The following PARD3B variants were observed in gnomAD, a reference collection of about 807,000 sequenced individuals.
PARD3B encodes the protein par-3 family cell polarity regulator beta.
Under a neutral mutation model 130.2 loss-of-function variants are expected in PARD3B, and 103 were observed. The ratio of observed to expected loss-of-function variants is 0.79; its 90% confidence interval spans 0.67 to 0.93. PARD3B has a LOEUF of 0.93. Ranked by LOEUF, PARD3B falls within the 40% of genes least tolerant of loss-of-function variation. The probability of loss-of-function intolerance (pLI) is 0.00; values close to 1 mark genes in which losing one functional copy is unlikely to be tolerated. For missense variants in PARD3B, 1,609 were observed against 1,499.2 expected (o/e 1.07, Z -1.21); for synonymous variants, 583 against 553.2 (o/e 1.05, Z -0.76).
intron 18 of PARD3B, among the ~76,000 whole-genome samples, chr2:205,330,078 C>A (rs990099531): frequency 6.7e-6 from 1 of 149,754 alleles, no homozygotes; most frequent in Admixed American, 6.7e-5. Flanking sequence ...CGGTGGCTCA[C>A]GACTGTAATC....
chr2:204,778,287 G>A (rs1182613734), intron 2 of PARD3B, among the ~76,000 whole-genome samples: 2 of 151,988 alleles, frequency 1.3e-5, no homozygotes, highest in Non-Finnish European at 2.9e-5. Context: ...TGATAATTGA[G>A]AGCCATTTAA....
At chr2:205,561,945 G>A (rs149556080) in intron 22 of PARD3B, among the ~76,000 whole-genome samples, 1 of 152,232 alleles carries the variant, frequency 6.6e-6, no homozygotes, top group African/African-American at 2.4e-5. Flanking sequence ...CTTCCCAGTA[G>A]GATCAGCTGT....
At chr2:205,107,465 CTT>C (rs1703310155) in intron 5 of PARD3B, among the ~76,000 whole-genome samples, 2 of 152,204 alleles carry the variant, frequency 1.3e-5, no homozygotes, top group African/African-American at 4.8e-5. Flanking sequence ...AGACAACCGA[CTT>C]AGCACAATGC....
Position 204,546,120 on chromosome 2 carries a change from GTGAGCGCGGCGCGGA to G in PARD3B, c.120+2_120+16del. 1 of 1,554,164 alleles carries G rather than the reference GTGAGCGCGGCGCGGA, an allele frequency of 6.4e-7. No individual in the cohort carries two copies. The highest frequency in any genetic ancestry group is 8.7e-7 in the Non-Finnish European group (1 of 1,149,042). Reference sequence around the variant, plus strand: ...GCGGTACCTGAAGACCCGGGAGAAGGTGAGCGCGGCGCGGAGGAGTGGGGCGCGGCTGCAGCCAAG... The same window carrying G: ...GCGGTACCTGAAGACCCGGGAGAAGGGGAGTGGGGCGCGGCTGCAGCCAAG... On this transcript the variant is annotated splice_donor_variant and splice_donor_5th_base_variant and intron_variant, in intron 1 of 22. Coordinates refer to ENST00000406610, the MANE Select transcript of PARD3B (RefSeq NM_001302769.2). LOFTEE classifies it high-confidence loss of function.
intron 22 of PARD3B, among the ~76,000 whole-genome samples, chr2:205,614,879 T>C (rs1380297730): frequency 6.6e-6 from 1 of 151,928 alleles, no homozygotes; most frequent in Non-Finnish European, 1.5e-5. Flanking sequence ...ACCTCACAGA[T>C]TTAGAAAAGC....
intron 1 of PARD3B, among the ~76,000 whole-genome samples, chr2:204,632,495 T>C (rs910323596): frequency 6.6e-6 from 1 of 152,092 alleles, no homozygotes; most frequent in African/African-American, 2.4e-5. Flanking sequence ...TTTTAAATTG[T>C]TGTTGTTTGC....
In PARD3B at chr2:205,440,467, G is replaced by A; in HGVS notation, c.2839G>A (p.Asp947Asn). ...AIGSVYDMDD[D>N]EMDPNYARVN... ...TGGATCAGTGTATGATATGGATGAT[G>A]ATGAAATGGACCCCAATTATGCCAG... Residue 947 changes from aspartate (D) to asparagine (N), a missense_variant, in exon 20 of 23, where the codon GAT becomes AAT. By Grantham distance (23) the Asp-to-Asn change is conservative. Transcript: ENST00000406610. The surrounding 1 kb of genome is among the most constrained non-coding windows in gnomAD (Gnocchi z 4.2). 1.9e-6 allele frequency: 3 copies of A among 1,614,130 alleles called. No homozygotes were observed. The highest frequency in any genetic ancestry group is 2.5e-6 in the Non-Finnish European group (3 of 1,179,990).
In PARD3B at chr2:205,193,205, C is replaced by T; in HGVS notation, c.2025C>T (p.Ser675=). ...TACAACATATGGCTTCCTTCCACAGCTCTGGGGTGGATTCAGCAGTATATT... is the reference window on the plus strand; with the variant it reads ...TACAACATATGGCTTCCTTCCACAGTTCTGGGGTGGATTCAGCAGTATATT... The part of the protein sequence containing the change: ...LGLGLEDYSH[S]SGVDSAVYFP... Residue 675 remains serine (S), a splice_region_variant and synonymous_variant, in exon 15 of 23, where the codon AGC becomes AGT. Transcript: ENST00000406610. 6.3e-7 allele frequency: 1 copy of T among 1,595,888 alleles called. No homozygotes were observed. Among genetic ancestry groups the T allele is most frequent in the Non-Finnish European group, 8.6e-7 (1 of 1,163,426 alleles).
At chr2:205,400,180 A>C (rs552097881) in intron 18 of PARD3B, among the ~76,000 whole-genome samples, 7 of 152,116 alleles carry the variant, frequency 4.6e-5, no homozygotes, top group African/African-American at 1.4e-4. Flanking sequence ...TTAGTTTCTC[A>C]CTCTCTATTG....
At chr2:204,750,667 T>C (rs972217923) in intron 2 of PARD3B, among the ~76,000 whole-genome samples, 10 of 152,002 alleles carry the variant, frequency 6.6e-5, no homozygotes, top group East Asian at 5.8e-4. Context: ...AAAGGAAATA[T>C]TCATGGTGTC....
At chr2:205,039,927 C>G (rs1698275477) in intron 3 of PARD3B, among the ~76,000 whole-genome samples, 1 of 152,080 alleles carries the variant, frequency 6.6e-6, no homozygotes, top group Non-Finnish European at 1.5e-5. Context: ...GATTTGGAAA[C>G]TTCATTTTTC....
chr2:205,293,642 G>A (rs894753314), intron 16 of PARD3B: 1 of 152,144 alleles, frequency 6.6e-6, no homozygotes, highest in Non-Finnish European at 1.5e-5. Flanking sequence ...TTATGGGTAG[G>A]GCAGTAATTA....
rs1186280393 is a variant in PARD3B, at chr2:205,229,753, C to G, written c.2141-16025C>G. ...GCTTGTGTCCTTCCCTTCAGGACAG[C>G]AAGGTCCCCCTGGCCTCGAGTGAGT... is the stretch of plus-strand genomic sequence containing the variant. On this transcript the variant is annotated intron_variant, in intron 15 of 22. Coordinates refer to ENST00000406610, the MANE Select transcript of PARD3B (RefSeq NM_001302769.2). The surrounding 1 kb of genome is among the most constrained non-coding windows in gnomAD (Gnocchi z 5.2). 6.6e-6 allele frequency among the ~76,000 whole-genome samples: 1 copy of G among 152,088 alleles called. No individual in the cohort carries two copies. The highest frequency in any genetic ancestry group is 2.4e-5 in the African/African-American group (1 of 41,432).
chr2:205,333,047 G>T (rs2043192682), intron 18 of PARD3B, among the ~76,000 whole-genome samples: 1 of 152,068 alleles, frequency 6.6e-6, no homozygotes, highest in South Asian at 2.1e-4. Flanking sequence ...TCATGAATGT[G>T]GTTTAAGTTT....
At chr2:204,702,768 G>T (rs1470712814) in intron 2 of PARD3B, among the ~76,000 whole-genome samples, 4 of 151,990 alleles carry the variant, frequency 2.6e-5, no homozygotes, top group South Asian at 4.1e-4. Context: ...TAGAGATGGG[G>T]TTTTGCCATG....
At chr2:204,598,022 C>T (rs1179729624) in intron 1 of PARD3B, among the ~76,000 whole-genome samples, 1 of 152,210 alleles carries the variant, frequency 6.6e-6, no homozygotes, top group East Asian at 1.9e-4. Context: ...GGAAACATAG[C>T]TCCAAATGAA....
chr2:205,375,971 AG>A (rs746191457), intron 18 of PARD3B, among the ~76,000 whole-genome samples: 19 of 152,236 alleles, frequency 1.2e-4, no homozygotes, highest in Non-Finnish European at 2.1e-4. Flanking sequence ...TGACAAGAAT[AG>A]GATCCAAAAA....
At chr2:204,866,268 T>A (rs1306336200) in intron 2 of PARD3B, among the ~76,000 whole-genome samples, 3 of 152,196 alleles carry the variant, frequency 2.0e-5, no homozygotes, top group Non-Finnish European at 2.9e-5. Flanking sequence ...CCATTTATTA[T>A]CAATAACTCT....
chr2:205,426,583 C>T (rs1033180139), intron 19 of PARD3B, among the ~76,000 whole-genome samples: 1 of 152,146 alleles, frequency 6.6e-6, no homozygotes, highest in Admixed American at 6.5e-5. Context: ...GGGAGCAAAC[C>T]TCCTCTTTAC....
Sources: gnomAD v4.1 joint callset for allele counts (sites outside exome capture counted in the v4.1 genomes callset) on GRCh38, gnomAD v4.1.1 for gene constraint, Gnocchi (gnomAD v3.1) non-coding constraint, MANE v1.5 for transcripts, NCBI Gene and HGNC (gene_info 2026-07-23, HGNC 2026-07-21) for gene names.